COPS3: variants seen among roughly 807,000 people sequenced by gnomAD.
The protein encoded by COPS3 is COP9 signalosome complex subunit 3.
In COPS3, 10 loss-of-function variants were observed where a neutral mutation model predicts 58.2. The observed-to-expected ratio is 0.17, with a 90% CI of 0.11 to 0.29. The LOEUF (loss-of-function observed/expected upper bound fraction) is 0.29, where lower values mean the gene tolerates loss of function less well. COPS3 is among the 10% of genes least tolerant of loss of function. The pLI, the probability that COPS3 is intolerant of heterozygous loss-of-function variation, is 1.00. For missense variants in COPS3, 333 were observed against 510.1 expected, an observed-to-expected ratio of 0.65 and a Z score of 3.34; for synonymous variants, 187 against 181.7, an observed-to-expected ratio of 1.03 and a Z score of -0.24.
intron 10 of COPS3, among the ~76,000 whole-genome samples, chr17:17,248,459 C>T (rs1297671445): frequency 2.0e-5 from 3 of 152,142 alleles, no homozygotes; most frequent in African/African-American, 4.8e-5. Context: ...GGATTACAGG[C>T]GTGCACCACC....
chr17:17,281,012 C>T (rs2048573237), intron 1 of COPS3, 120 bp downstream of exon 1: 2 of 1,199,794 alleles, frequency 1.7e-6, no homozygotes, highest in Non-Finnish European at 2.3e-6. Flanking sequence ...ACCCCAAGCC[C>T]GGCCCCGGAG....
chr17:17,271,708 C>A (rs1006999765), intron 2 of COPS3, among the ~76,000 whole-genome samples: 5 of 149,320 alleles, frequency 3.3e-5, no homozygotes, highest in Non-Finnish European at 5.9e-5. Flanking sequence ...TGCCTGTAAC[C>A]CCAGCTACTC....
In COPS3 at chr17:17,262,276, T is replaced by G. The variant is rs565647212; in HGVS notation, c.622-170A>C. Among the ~76,000 whole-genome samples the G allele has an allele frequency of 8.5e-4, 129 of 152,274 alleles. 1 individual carries two copies. The highest frequency in any genetic ancestry group is 1.4e-3 in the Non-Finnish European group (94 of 68,024). ...CATTTTATTTTTATTTATGCATTTT[T>G]TAGAGACAGGGTCTCGCTCTGTCAT... On this transcript the variant is annotated intron_variant, in intron 6 of 11. Coordinates refer to ENST00000268717, the MANE Select transcript of COPS3 (RefSeq NM_003653.4).
Position 17,260,453 on chromosome 17 carries a change from C to T in COPS3, c.784G>A (p.Glu262Lys). The T allele has an allele frequency of 6.2e-7, 1 of 1,614,000 alleles. No individual in the cohort carries two copies. Among genetic ancestry groups the T allele is most frequent in the Non-Finnish European group, 8.5e-7 (1 of 1,179,976 alleles). Residue 262 changes from glutamate (E) to lysine (K), a missense_variant, in exon 8 of 12, where the codon GAG (glutamate) becomes AAG (lysine). Coordinates refer to ENST00000268717, the MANE Select transcript of COPS3 (RefSeq NM_003653.4). ...TTGGTTGAATACACTTGTGCTAACT[C>T]GTGGTATGCATTGCTAAGAGGCTAA... ...FIKPLSNAYH[E>K]LAQVYSTNNP...
At chr17:17,250,629 T>C (rs573628660) in intron 9 of COPS3, among the ~76,000 whole-genome samples, 1 of 152,348 alleles carries the variant, frequency 6.6e-6, no homozygotes, top group South Asian at 2.1e-4. Flanking sequence ...GGGGAATTAT[T>C]TGACTGATCC....
At chr17:17,250,660 T>A (rs968395429) in intron 9 of COPS3, among the ~76,000 whole-genome samples, 11 of 152,200 alleles carry the variant, frequency 7.2e-5, no homozygotes, top group Admixed American at 2.6e-4. Flanking sequence ...ATCCTGCCCA[T>A]GAAGTTAAAA....
intron 4 of COPS3, among the ~76,000 whole-genome samples, chr17:17,270,482 T>C (rs1314322974): frequency 2.0e-5 from 3 of 152,182 alleles, no homozygotes; most frequent in Non-Finnish European, 4.4e-5. Flanking sequence ...AAACCCAGCA[T>C]ATTACAACAT....
chr17:17,280,823 C>T, intron 1 of COPS3: 1 of 1,249,080 alleles, frequency 8.0e-7, no homozygotes, highest in Non-Finnish European at 1.0e-6. Flanking sequence ...CGAGATGGCT[C>T]CTGGCGGAAG....
chr17:17,274,316 T>C (rs1379544489), intron 2 of COPS3, among the ~76,000 whole-genome samples: 2 of 152,144 alleles, frequency 1.3e-5, no homozygotes, highest in African/African-American at 4.8e-5. Flanking sequence ...CATGTCTTGA[T>C]AATTACAAAG....
chr17:17,254,435 C>A (rs942763855), intron 9 of COPS3, among the ~76,000 whole-genome samples: 4 of 152,128 alleles, frequency 2.6e-5, no homozygotes, highest in South Asian at 2.1e-4. Flanking sequence ...AGGCTCCCCC[C>A]GCTTTTCTCC....
At chr17:17,276,959 C>T (rs1053122047) in intron 1 of COPS3, among the ~76,000 whole-genome samples, 4 of 152,138 alleles carry the variant, frequency 2.6e-5, no homozygotes, top group Admixed American at 1.3e-4. Flanking sequence ...GAAGTGCAAA[C>T]GCCTCAGCCT....
intron 9 of COPS3, among the ~76,000 whole-genome samples, chr17:17,249,439 T>C (rs1415577087): frequency 6.6e-6 from 1 of 152,174 alleles, no homozygotes; most frequent in African/African-American, 2.4e-5. Flanking sequence ...TTCTCCTGCC[T>C]CAGCCTCCCA....
chr17:17,280,857 A>C (rs2145275650), intron 1 of COPS3: 5 of 1,146,232 alleles, frequency 4.4e-6, no homozygotes, highest in African/African-American at 1.6e-5. Flanking sequence ...CTGTCAAGCA[A>C]AGCGCCCGGT....
intron 8 of COPS3, among the ~76,000 whole-genome samples, chr17:17,257,184 C>T (rs1567849815): frequency 6.6e-6 from 1 of 151,682 alleles, no homozygotes; most frequent in South Asian, 2.1e-4. Context: ...GCCAACATGG[C>T]GAAACCCCGT....
In COPS3 at chr17:17,261,946, G is replaced by A; in HGVS notation, c.762+20C>T. The A allele has an allele frequency of 6.4e-7, 1 of 1,567,804 alleles. No individual in the cohort carries two copies. Among genetic ancestry groups the A allele is most frequent in the Non-Finnish European group, 8.7e-7 (1 of 1,154,248 alleles). ...CTCAACATGCTCACGTAAGAAATCAGTTTTATGTAAAAAACTTACCTTAAT... is the reference window on the plus strand; with the variant it reads ...CTCAACATGCTCACGTAAGAAATCAATTTTATGTAAAAAACTTACCTTAAT... On this transcript the variant is annotated intron_variant, in intron 7 of 11. Transcript: ENST00000268717.
At chr17:17,280,228 T>C (rs1311955521) in intron 1 of COPS3, among the ~76,000 whole-genome samples, 6 of 152,162 alleles carry the variant, frequency 3.9e-5, no homozygotes, top group Non-Finnish European at 7.3e-5. Flanking sequence ...CAGGCCAACA[T>C]GGTGAAACCC....
intron 8 of COPS3, among the ~76,000 whole-genome samples, chr17:17,259,219 A>T (rs2048041501): frequency 6.6e-6 from 1 of 152,186 alleles, no homozygotes; most frequent in Non-Finnish European, 1.5e-5. Context: ...AAGGCAAAGG[A>T]TGTGCACAGG....
intron 4 of COPS3, among the ~76,000 whole-genome samples, chr17:17,269,362 T>A (rs1489609518): frequency 6.6e-5 from 10 of 152,102 alleles, no homozygotes; most frequent in Admixed American, 6.6e-4. Context: ...GAGGCGGAAG[T>A]TGCAGTGAGC....
chr17:17,260,581 A>G (rs2048071770), intron 7 of COPS3, 107 bp from the exon 8 acceptor site: 8 of 1,019,944 alleles, frequency 7.8e-6, no homozygotes, highest in Non-Finnish European at 1.0e-5. Context: ...AGGCGGACAA[A>G]TCACCTGGGG....
Sources: allele counts gnomAD v4.1 joint callset (sites outside exome capture counted in the v4.1 genomes callset), GRCh38; gene constraint gnomAD v4.1.1; transcripts MANE v1.5; gene names NCBI Gene and HGNC (gene_info 2026-07-23, HGNC 2026-07-21).